The following PLCB4 variants were observed in gnomAD, a reference collection of about 807,000 sequenced individuals.
PLCB4 encodes the protein 1-phosphatidylinositol 4,5-bisphosphate phosphodiesterase beta-4.
PLCB4 carries 77 observed loss-of-function variants against 178.8 expected under a neutral mutation model. The observed-to-expected ratio is 0.43, with a 90% CI of 0.36 to 0.52. PLCB4 has a LOEUF of 0.52. Ranked by LOEUF, PLCB4 falls within the 20% of genes least tolerant of loss-of-function variation. The pLI is 0.00. For missense variants in PLCB4, 1,024 were observed against 1,453.4 expected (o/e 0.70, Z 4.80); for synonymous variants, 496 against 490.8 (o/e 1.01, Z -0.14).
At chr20:9,411,249 C>G (rs531399814) in intron 25 of PLCB4, among the ~76,000 whole-genome samples, 161 bp downstream of exon 25, 3 of 152,174 alleles carry the variant, frequency 2.0e-5, no homozygotes, top group East Asian at 1.9e-4. Flanking sequence ...TGCACATATA[C>G]ATTCTTCATC....
chr20:9,210,974 T>C lies in PLCB4; in HGVS notation c.-78-6416T>C, dbSNP rs191539568. On this transcript the variant is annotated intron_variant, in intron 2 of 39. Transcript: ENST00000378473. Reference sequence around the variant, plus strand: ...AACATATTAATACCTTACATGGATATAGAAAATATGACTGCATTGGTGAAA... The same window carrying C: ...AACATATTAATACCTTACATGGATACAGAAAATATGACTGCATTGGTGAAA... Among the ~76,000 whole-genome samples the C allele has an allele frequency of 1.8e-3, 272 of 152,340 alleles. 2 individuals carry two copies. The highest frequency in any genetic ancestry group is 2.9e-3 in the Non-Finnish European group (195 of 68,032).
At chr20:9,298,073 C>G (rs2094659706) in intron 3 of PLCB4, among the ~76,000 whole-genome samples, 1 of 152,058 alleles carries the variant, frequency 6.6e-6, no homozygotes, top group African/African-American at 2.4e-5. Context: ...GAAGGTCAAT[C>G]TCTGACCTTC....
intron 35 of PLCB4, among the ~76,000 whole-genome samples, chr20:9,465,904 T>C (rs2043748152): frequency 6.6e-6 from 1 of 152,190 alleles, no homozygotes; most frequent in African/African-American, 2.4e-5. Flanking sequence ...AAGCTACCAA[T>C]GACTTTCTTC....
chr20:9,302,031 G>A (rs2094711233), intron 3 of PLCB4, among the ~76,000 whole-genome samples: 1 of 152,118 alleles, frequency 6.6e-6, no homozygotes, highest in Non-Finnish European at 1.5e-5. Context: ...ATCCTTTCCT[G>A]TGGGCTCTGC....
intron 3 of PLCB4, among the ~76,000 whole-genome samples, chr20:9,273,004 T>C (rs956997904): frequency 6.6e-6 from 1 of 152,066 alleles, no homozygotes; most frequent in Non-Finnish European, 1.5e-5. Flanking sequence ...GGAGAAAATA[T>C]ATCCATGTAA....
chr20:9,112,337 C>T (rs144178530), intron 2 of PLCB4, among the ~76,000 whole-genome samples: 2,737 of 151,638 alleles, frequency 0.018, 35 homozygotes, highest in Non-Finnish European at 0.028. Flanking sequence ...TCACTGCAAC[C>T]TCTGCCTCCT....
chr20:9,088,330 C>G (rs1460603699), intron 1 of PLCB4, among the ~76,000 whole-genome samples: 1 of 152,102 alleles, frequency 6.6e-6, no homozygotes, highest in Admixed American at 6.5e-5. Context: ...CCATGTGTAG[C>G]AAGTCCTGTG....
chr20:9,120,334 C>T (rs558314370), intron 2 of PLCB4, among the ~76,000 whole-genome samples: 30 of 152,238 alleles, frequency 2.0e-4, no homozygotes, highest in African/African-American at 5.8e-4. Flanking sequence ...TCCCTTGACA[C>T]GCTCCTTTTC....
At position 9,402,642 on chromosome 20, in the gene PLCB4, C is replaced by T. The variant is rs370450185; in HGVS notation, c.1611+1052C>T. Among the ~76,000 whole-genome samples, 32 of 152,256 alleles carry T rather than the reference C, an allele frequency of 2.1e-4. No individual in the cohort carries two copies. In the East Asian group the frequency reaches 2.9e-3, roughly 14 times the overall value. ...GGACAGGCTGCTGCTCTAGGCCAGA[C>T]GAGAGTCCCCGATGGTCAAACCAGA... On this transcript the variant is annotated intron_variant, in intron 20 of 39. Transcript: ENST00000378473.
chr20:9,299,555 G>A (rs1027162975), intron 3 of PLCB4, among the ~76,000 whole-genome samples: 11 of 151,752 alleles, frequency 7.2e-5, no homozygotes, highest in Non-Finnish European at 1.6e-4. Flanking sequence ...TTAACTGTAT[G>A]TTAAGAGCAT....
chr20:9,282,004 T>A (rs572240991), intron 3 of PLCB4, among the ~76,000 whole-genome samples: 14 of 152,106 alleles, frequency 9.2e-5, no homozygotes, highest in African/African-American at 3.4e-4. Flanking sequence ...CCAGCTGCCC[T>A]CACTCAGAGC....
intron 3 of PLCB4, among the ~76,000 whole-genome samples, chr20:9,239,292 G>C (rs2094029272): frequency 6.6e-6 from 1 of 151,956 alleles, no homozygotes; most frequent in South Asian, 2.1e-4. Context: ...CATTTTCTTT[G>C]TCTTATTTTT....
At chr20:9,254,604 A>G (rs575334555) in intron 3 of PLCB4, among the ~76,000 whole-genome samples, 76 of 152,300 alleles carry the variant, frequency 5.0e-4, no homozygotes, top group African/African-American at 1.8e-3. Flanking sequence ...AGGCTGAGAC[A>G]CAGGAATCTC....
At chr20:9,349,369 G>A (rs759659507) in intron 7 of PLCB4, among the ~76,000 whole-genome samples, 2 of 152,006 alleles carry the variant, frequency 1.3e-5, no homozygotes, top group African/African-American at 4.8e-5. Flanking sequence ...CTTTTTATAT[G>A]CAGTTGGACT....
At chr20:9,249,095 C>T (rs892272546) in intron 3 of PLCB4, among the ~76,000 whole-genome samples, 2 of 152,188 alleles carry the variant, frequency 1.3e-5, no homozygotes, top group Non-Finnish European at 2.9e-5. Context: ...CTCTTCCTTT[C>T]CCCCTGTTTA....
At chr20:9,356,500 T>C (rs189888034) in intron 7 of PLCB4, among the ~76,000 whole-genome samples, 8 of 152,330 alleles carry the variant, frequency 5.3e-5, no homozygotes, top group Admixed American at 1.3e-4. Flanking sequence ...ATAGCCTTCA[T>C]CTGTAGATTT....
chr20:9,243,470 A>G (rs1360769815), intron 3 of PLCB4, among the ~76,000 whole-genome samples: 4 of 152,262 alleles, frequency 2.6e-5, no homozygotes, highest in Admixed American at 6.5e-5. Context: ...ATTTCATGGG[A>G]TTGCATCCAG....
At chr20:9,110,227 T>C (rs1056156210) in intron 2 of PLCB4, among the ~76,000 whole-genome samples, 3 of 151,972 alleles carry the variant, frequency 2.0e-5, no homozygotes, top group Non-Finnish European at 4.4e-5. Flanking sequence ...ATAATAAAAA[T>C]TAAAGTTGAA....
At chr20:9,098,701 A>C (rs952172169) in intron 2 of PLCB4, among the ~76,000 whole-genome samples, 4 of 147,658 alleles carry the variant, frequency 2.7e-5, no homozygotes, top group African/African-American at 1.0e-4. Flanking sequence ...ATATATGTAC[A>C]TATATACATA....
Sources: allele counts gnomAD v4.1 joint callset (sites outside exome capture counted in the v4.1 genomes callset), GRCh38; gene constraint gnomAD v4.1.1; transcripts MANE v1.5; gene names NCBI Gene and HGNC (gene_info 2026-07-23, HGNC 2026-07-21).